Variants in CACNA1C observed in about 807,000 individuals in gnomAD.
CACNA1C encodes voltage-dependent L-type calcium channel subunit alpha-1C.
A neutral mutation model predicts 229.0 loss-of-function variants in CACNA1C; 30 were observed. The ratio of observed to expected loss-of-function variants is 0.13; its 90% CI spans 0.10 to 0.18. CACNA1C has a LOEUF of 0.18. CACNA1C is among the 10% of genes least tolerant of loss of function. CACNA1C has a pLI of 1.00. For missense variants in CACNA1C, 1,658 were observed against 2,845.0 expected (o/e 0.58, Z 9.49); for synonymous variants, 1,114 against 1,132.5 (o/e 0.98, Z 0.33).
chr12:2,008,983 T>C lies in CACNA1C; in HGVS notation c.139+37782T>C, dbSNP rs2043941173. ...TCATCACTTAACCAAATATACTAAG[T>C]TGCAGGCTCGATATTAGTAAAAGAC... On this transcript the variant is annotated intron_variant, in intron 1 of 46. Coordinates refer to the CACNA1C transcript ENST00000682462. Among the ~76,000 whole-genome samples, 3 of 152,208 alleles carry C rather than the reference T, an allele frequency of 2.0e-5. No homozygotes were observed. The South Asian group carries it at 6.2e-4, about 31-fold the overall frequency.
At chr12:2,008,106 C>G (rs563602459) in intron 1 of CACNA1C, among the ~76,000 whole-genome samples, 2 of 151,820 alleles carry the variant, frequency 1.3e-5, no homozygotes, top group Non-Finnish European at 2.9e-5. Context: ...TAAAGTTTTA[C>G]TTATTTATTT....
chr12:2,120,224 A>G, intron 2 of CACNA1C, 101 bp from the exon 3 acceptor site: 1 of 770,362 alleles, frequency 1.3e-6, no homozygotes, highest in Non-Finnish European at 2.3e-6. Flanking sequence ...TTGTTTAAAC[A>G]AAATTCTTAT....
At chr12:2,384,143 G>A (rs183648204) in intron 3 of CACNA1C, among the ~76,000 whole-genome samples, 11 of 152,334 alleles carry the variant, frequency 7.2e-5, no homozygotes, top group Non-Finnish European at 1.0e-4. Context: ...TAGCAGCAGT[G>A]CCACCAGAAA....
At chr12:2,387,746 C>CA (rs2098417889) in intron 3 of CACNA1C, among the ~76,000 whole-genome samples, 1 of 152,104 alleles carries the variant, frequency 6.6e-6, no homozygotes, top group South Asian at 2.1e-4. Context: ...GAAAGGGCTC[C>CA]AGGGCCAGAG....
chr12:2,241,224 G>C (rs1293227658), intron 3 of CACNA1C, among the ~76,000 whole-genome samples: 1 of 152,092 alleles, frequency 6.6e-6, no homozygotes, highest in African/African-American at 2.4e-5. Context: ...GCGCTGGCCT[G>C]GCTGTGTATT....
rs956614799 is a variant in CACNA1C, at chr12:2,585,700, G to A, written c.2461-135G>A. The A allele has an allele frequency of 1.1e-6, 1 of 887,110 alleles. No individual in the cohort carries two copies. The highest frequency in any genetic ancestry group is 1.8e-6 in the Non-Finnish European group (1 of 547,044). 55.0% of individuals were successfully genotyped at this position (887,110 alleles called of 1,614,324 possible). On this transcript the variant is annotated intron_variant, in intron 17 of 46. Coordinates refer to ENST00000399655, the MANE Select transcript of CACNA1C (RefSeq NM_000719.7). This position sits in a 1 kb window ranked among gnomAD's most constrained non-coding sequence, Gnocchi z 4.1. ...CCCAGCCATCTGCTGATGTCTTGAAGGAGATATGCAAAGTGACAAGTACCT... is the reference window on the plus strand; with the variant it reads ...CCCAGCCATCTGCTGATGTCTTGAAAGAGATATGCAAAGTGACAAGTACCT...
At chr12:2,502,133 C>T (rs916864347) in intron 7 of CACNA1C, among the ~76,000 whole-genome samples, 2 of 152,208 alleles carry the variant, frequency 1.3e-5, no homozygotes, top group Admixed American at 1.3e-4. Context: ...CCTTCTGGGA[C>T]CCTGCGTGCT....
intron 8 of CACNA1C, among the ~76,000 whole-genome samples, chr12:2,510,167 C>G (rs980045533): frequency 6.6e-6 from 1 of 152,206 alleles, no homozygotes; most frequent in African/African-American, 2.4e-5. Context: ...ATTGTCTTGC[C>G]GGCTTCAGTC....
intron 3 of CACNA1C, among the ~76,000 whole-genome samples, chr12:2,344,582 T>C (rs2096955517): frequency 6.6e-6 from 1 of 152,122 alleles, no homozygotes; most frequent in African/African-American, 2.4e-5. Context: ...GCCCAAAACC[T>C]CCTCCCTCAA....
intron 3 of CACNA1C, among the ~76,000 whole-genome samples, chr12:2,252,050 G>A (rs2075778496): frequency 2.6e-5 from 4 of 152,228 alleles, no homozygotes; most frequent in Admixed American, 6.5e-5. Context: ...AATGAGTGAA[G>A]CTGTGTAGCC....
chr12:2,239,311 T>C (rs563602285), intron 3 of CACNA1C, among the ~76,000 whole-genome samples: 5 of 152,084 alleles, frequency 3.3e-5, no homozygotes, highest in African/African-American at 1.2e-4. Flanking sequence ...TGAATGACGG[T>C]GAGGGCTGGG....
At chr12:2,554,451 G>A (rs915008376) in intron 10 of CACNA1C, among the ~76,000 whole-genome samples, 7 of 152,332 alleles carry the variant, frequency 4.6e-5, no homozygotes, top group Middle Eastern at 3.4e-3. Context: ...AGACAACCAG[G>A]AAGCCTTCCG....
intron 3 of CACNA1C, chr12:2,289,052 T>C (rs2093124320): frequency 1.3e-5 from 2 of 152,206 alleles, no homozygotes; most frequent in Non-Finnish European, 1.5e-5. Context: ...TGAAATCGGA[T>C]GCCTTTGACT....
At position 2,403,736 on chromosome 12, in the gene CACNA1C, T is replaced by C. The variant is rs1212021626; in HGVS notation, c.478-45240T>C. On this transcript the variant is annotated intron_variant, in intron 3 of 46. Coordinates refer to ENST00000399655, the MANE Select transcript of CACNA1C (RefSeq NM_000719.7). This position sits in a 1 kb window ranked among gnomAD's most constrained non-coding sequence, Gnocchi z 4.1. ...CAGTCCAGCCCCCACCATCTCCCAG[T>C]GAGCCCCAGGTAGACGTCTGCCACA... Among the ~76,000 whole-genome samples the C allele has an allele frequency of 6.6e-6, 1 of 152,092 alleles. No individual in the cohort carries two copies. Among genetic ancestry groups the C allele is most frequent in the Non-Finnish European group, 1.5e-5 (1 of 68,012 alleles).
At chr12:2,505,764 T>G (rs1598361066) in intron 8 of CACNA1C, among the ~76,000 whole-genome samples, 1 of 152,126 alleles carries the variant, frequency 6.6e-6, no homozygotes, top group Non-Finnish European at 1.5e-5. Flanking sequence ...TCTTCAGAAG[T>G]CCACACCAGC....
chr12:2,107,173 G>T (rs1422721915), intron 1 of CACNA1C, among the ~76,000 whole-genome samples: 20 of 144,078 alleles, frequency 1.4e-4, no homozygotes, highest in African/African-American at 4.5e-4. Context: ...AAGCCACTGG[G>T]TGCTCACCCT....
chr12:2,673,060 A>G (rs1015616813), intron 38 of CACNA1C, among the ~76,000 whole-genome samples: 7 of 152,218 alleles, frequency 4.6e-5, no homozygotes, highest in Non-Finnish European at 8.8e-5. Flanking sequence ...GAACCCAGGC[A>G]GTCTGACACA....
At chr12:2,390,143 T>G (rs1400324671) in intron 3 of CACNA1C, among the ~76,000 whole-genome samples, 2 of 152,178 alleles carry the variant, frequency 1.3e-5, no homozygotes, top group Non-Finnish European at 2.9e-5. Context: ...CTTTAAGATT[T>G]CTATATAAAA....
rs753662859 is a variant in CACNA1C at position 2,651,597 on chromosome 12, T to G, written c.3946-43T>G. 4.3e-6 allele frequency: 7 copies of G among 1,613,562 alleles called. No homozygotes were observed. In the Admixed American group the frequency reaches 1.2e-4, roughly 27 times the overall value. ...AGGGGCCCTCCTGTTCTCACCCCCC[T>G]CTTGCTGTGCTAACTGCACCTCCTG... On this transcript the variant is annotated intron_variant, in intron 31 of 46. Coordinates refer to ENST00000399655, the MANE Select transcript of CACNA1C (RefSeq NM_000719.7). The surrounding 1 kb of genome is among the most constrained non-coding windows in gnomAD (Gnocchi z 5.4).
Sources: gnomAD v4.1 joint callset for allele counts (sites outside exome capture counted in the v4.1 genomes callset) on GRCh38, gnomAD v4.1.1 for gene constraint, Gnocchi (gnomAD v3.1) non-coding constraint, MANE v1.5 for transcripts, NCBI Gene and HGNC (gene_info 2026-07-23, HGNC 2026-07-21) for gene names.